The following UNC5A variants were observed in gnomAD, a reference collection of about 807,000 sequenced individuals.
UNC5A encodes unc-5 netrin receptor A.
UNC5A carries 20 observed loss-of-function variants against 87.4 expected under a neutral mutation model. The observed-to-expected ratio is 0.23, with a 90% CI of 0.16 to 0.33. The LOEUF (loss-of-function observed/expected upper bound fraction) is 0.33, where lower values mean the gene tolerates loss of function less well. UNC5A is among the 10% of genes least tolerant of loss of function. The pLI, the probability that UNC5A is intolerant of heterozygous loss-of-function variation, is 1.00. For missense variants in UNC5A, 844 were observed against 1,133.4 expected (o/e 0.74, Z 3.67); for synonymous variants, 438 against 482.3 (o/e 0.91, Z 1.20).
intron 1 of UNC5A, among the ~76,000 whole-genome samples, chr5:176,858,722 AGAAGGAAGGAAGGAAG>A (rs397968461): frequency 2.0e-5 from 1 of 49,812 alleles, no homozygotes; most frequent in East Asian, 6.7e-4. Flanking sequence ...AGAGAGAGAG[AGAAGGAAGGAAGGAAG>A]GAAGGAAGGA....
In UNC5A at chr5:176,874,468, C is replaced by T. The variant is rs1758212863; in HGVS notation, c.1280C>T (p.Ser427Phe). 1.4e-5 allele frequency: 22 copies of T among 1,613,458 alleles called. No homozygotes were observed. Among genetic ancestry groups the T allele is most frequent in the Non-Finnish European group, 1.9e-5 (22 of 1,179,768 alleles). Residue 427 changes from serine (S) to phenylalanine (F), a missense_variant, in exon 8 of 15, where the codon TCC becomes TTC. By Grantham distance (155) the Ser-to-Phe change is radical (BLOSUM62 -2). Coordinates refer to ENST00000329542, the MANE Select transcript of UNC5A (RefSeq NM_133369.3). The surrounding 1 kb of genome is among the most constrained non-coding windows in gnomAD (Gnocchi z 7.6). Reference sequence around the variant, plus strand: ...GCCGAGGAGTTCGTCTCCCGCCTCTCCACCCAGAACTACTTCCGCTCCCTG... The same window carrying T: ...GCCGAGGAGTTCGTCTCCCGCCTCTTCACCCAGAACTACTTCCGCTCCCTG... ...SEAEEFVSRL[S>F]TQNYFRSLPR... is the part of the protein sequence containing the mutation.
At chr5:176,864,476 G>GGT (rs1204028522) in intron 2 of UNC5A, among the ~76,000 whole-genome samples, 1 of 152,214 alleles carries the variant, frequency 6.6e-6, no homozygotes. Context: ...AGTGATCTGA[G>GGT]GTGAGCTGAA....
chr5:176,863,770 TC>T (rs1302057758), intron 2 of UNC5A, among the ~76,000 whole-genome samples: 1 of 35,978 alleles, frequency 2.8e-5, no homozygotes, highest in Non-Finnish European at 5.1e-5. Context: ...CTCCTCCCCC[TC>T]CCCTCCTCCT....
chr5:176,821,595 G>T (rs1342561520), intron 1 of UNC5A, among the ~76,000 whole-genome samples: 20 of 152,178 alleles, frequency 1.3e-4, no homozygotes, highest in Admixed American at 1.2e-3. Flanking sequence ...GCAGGCTGGG[G>T]AACTAATTTG....
intron 1 of UNC5A, among the ~76,000 whole-genome samples, chr5:176,823,503 G>C (rs993306089): frequency 2.6e-5 from 4 of 152,116 alleles, no homozygotes; most frequent in African/African-American, 7.2e-5. Context: ...GGTGGTGCTG[G>C]GGCCATCCGG....
intron 1 of UNC5A, among the ~76,000 whole-genome samples, chr5:176,830,439 A>ATGTG (rs5873556): frequency 7.9e-5 from 11 of 139,382 alleles, no homozygotes; most frequent in African/African-American, 3.3e-4. Context: ...GTGTGCTGGC[A>ATGTG]TGTGTGTGTG....
chr5:176,857,362 G>A (rs571887668), intron 1 of UNC5A, among the ~76,000 whole-genome samples: 10 of 152,240 alleles, frequency 6.6e-5, no homozygotes, highest in Admixed American at 2.0e-4. Context: ...GGTGGCATCC[G>A]TCCCAGGCTC....
chr5:176,859,163 G>GA (rs1757761916), intron 1 of UNC5A, among the ~76,000 whole-genome samples: 1 of 98,394 alleles, frequency 1.0e-5, no homozygotes, highest in African/African-American at 5.1e-5. Flanking sequence ...CTGCTACAAT[G>GA]TCCTTGCTAG....
chr5:176,873,187 C>T (rs1758173454), intron 6 of UNC5A, among the ~76,000 whole-genome samples: 1 of 151,936 alleles, frequency 6.6e-6, no homozygotes, highest in African/African-American at 2.4e-5. Context: ...TCCCATCTGC[C>T]CACACTCGCC....
intron 1 of UNC5A, among the ~76,000 whole-genome samples, chr5:176,816,358 A>G (rs1756588158): frequency 6.6e-6 from 1 of 152,274 alleles, no homozygotes; most frequent in Admixed American, 6.5e-5. Flanking sequence ...CTGCTGGCAA[A>G]TAACTCCTAT....
rs772676 is a variant in UNC5A, at chr5:176,841,939, G to T, written c.71-20685G>T. 0.098 allele frequency among the ~76,000 whole-genome samples: 14,951 copies of T among 152,028 alleles called. 1,855 individuals carry two copies. Among genetic ancestry groups the T allele is most frequent in the African/African-American group, 0.3 (12,313 of 41,438 alleles). On this transcript the variant is annotated intron_variant, in intron 1 of 14. Coordinates refer to ENST00000329542, the MANE Select transcript of UNC5A (RefSeq NM_133369.3). This position sits in a 1 kb window ranked among gnomAD's most constrained non-coding sequence, Gnocchi z 4.1. ...AAGGCCGGGTGCGGTGGCTCACGCC[G>T]GTAATCCCAGCACTTTGGGAGGCCG...
chr5:176,857,103 C>T (rs1188865079), intron 1 of UNC5A, among the ~76,000 whole-genome samples: 1 of 152,238 alleles, frequency 6.6e-6, no homozygotes, highest in Non-Finnish European at 1.5e-5. Context: ...CCTCGAGAGC[C>T]CTCTCACCCG....
chr5:176,821,506 G>A (rs879674315), intron 1 of UNC5A, among the ~76,000 whole-genome samples: 10 of 152,278 alleles, frequency 6.6e-5, no homozygotes, highest in Admixed American at 4.6e-4. Context: ...ATGCCAGGAC[G>A]CCTTGAGAGT....
chr5:176,816,759 C>T (rs1464870250), intron 1 of UNC5A, among the ~76,000 whole-genome samples: 1 of 152,244 alleles, frequency 6.6e-6, no homozygotes, highest in African/African-American at 2.4e-5. Flanking sequence ...ATAGTGGGCA[C>T]TCAATACACG....
chr5:176,866,084 G>T lies in UNC5A; in HGVS notation c.293-2046G>T, dbSNP rs369086731. On this transcript the variant is annotated intron_variant, in intron 2 of 14. Transcript: ENST00000329542. The surrounding 1 kb of genome is among the most constrained non-coding windows in gnomAD (Gnocchi z 5.0). ...CAGCTAGAAACCCTGGGCAGCCCAG[G>T]TTCACACACACACCCGCCCAGGCCC... Among the ~76,000 whole-genome samples, 5 of 152,168 alleles carry T rather than the reference G, an allele frequency of 3.3e-5. No homozygotes were observed. Among genetic ancestry groups the T allele is most frequent in the Non-Finnish European group, 7.3e-5 (5 of 68,028 alleles).
chr5:176,817,925 G>A (rs1473252708), intron 1 of UNC5A, among the ~76,000 whole-genome samples: 2 of 152,034 alleles, frequency 1.3e-5, no homozygotes, highest in Admixed American at 6.5e-5. Flanking sequence ...GAAGGGGCGG[G>A]ATGCCTCCGC....
intron 1 of UNC5A, among the ~76,000 whole-genome samples, chr5:176,851,862 G>T (rs1367163595): frequency 6.6e-6 from 1 of 152,200 alleles, no homozygotes; most frequent in African/African-American, 2.4e-5. Context: ...GAACCCGGAT[G>T]GAAATGGGGA....
At chr5:176,847,475 CATTA>C (rs1757438479) in intron 1 of UNC5A, among the ~76,000 whole-genome samples, 1 of 151,950 alleles carries the variant, frequency 6.6e-6, no homozygotes, top group African/African-American at 2.4e-5. Context: ...TAAATTTTCT[CATTA>C]ATATACTTAA....
At chr5:176,872,689 C>G (rs1362985568) in intron 6 of UNC5A, among the ~76,000 whole-genome samples, 1 of 107,592 alleles carries the variant, frequency 9.3e-6, no homozygotes, top group African/African-American at 3.7e-5. Context: ...ACACTCACCC[C>G]ACACCACAGC....
Sources: allele counts gnomAD v4.1 joint callset (sites outside exome capture counted in the v4.1 genomes callset), GRCh38; gene constraint gnomAD v4.1.1; non-coding constraint Gnocchi (gnomAD v3.1); transcripts MANE v1.5; gene names NCBI Gene and HGNC (gene_info 2026-07-23, HGNC 2026-07-21).